Variants in GAN observed in about 807,000 individuals in gnomAD.
The protein encoded by GAN is epididymis secretory sperm binding protein.
A neutral mutation model predicts 71.3 loss-of-function variants in GAN; 48 were observed. The observed-to-expected ratio is 0.67, with a 90% CI of 0.53 to 0.86. GAN has a LOEUF of 0.86. GAN is among the 40% of genes least tolerant of loss of function. GAN has a pLI of 0.00. For missense variants in GAN, 928 were observed against 770.1 expected, an observed-to-expected ratio of 1.21 and a Z score of -2.43; for synonymous variants, 386 against 276.8, an observed-to-expected ratio of 1.39 and a Z score of -3.92.
intron 1 of GAN, among the ~76,000 whole-genome samples, chr16:81,342,381 A>C (rs1315575935): frequency 2.6e-5 from 4 of 152,178 alleles, no homozygotes; most frequent in Non-Finnish European, 4.4e-5. Context: ...ACATAATTGG[A>C]AGTAAAGCAC....
Position 81,319,665 on chromosome 16 carries a change from G to C in GAN, c.167+4385G>C, listed in dbSNP as rs1056437248. Among the ~76,000 whole-genome samples the C allele has an allele frequency of 2.6e-5, 4 of 152,166 alleles. No individual in the cohort carries two copies. The East Asian group carries it at 5.8e-4, about 22-fold the overall frequency. ...AAAAAAAAGATTCCTAAGATTTTTA[G>C]ATCCTTTGATGAGTCAGCTAAGAAT... On this transcript the variant is annotated intron_variant, in intron 1 of 10. Transcript: ENST00000648994.
chr16:81,317,289 A>G (rs1280008693), intron 1 of GAN, among the ~76,000 whole-genome samples: 2 of 152,210 alleles, frequency 1.3e-5, no homozygotes, highest in African/African-American at 4.8e-5. Flanking sequence ...GCACCATCAC[A>G]TTTTCATAGT....
At chr16:81,363,076 T>A (rs1479728535) in intron 6 of GAN, among the ~76,000 whole-genome samples, 1 of 152,164 alleles carries the variant, frequency 6.6e-6, no homozygotes, top group Non-Finnish European at 1.5e-5. Context: ...GCACGTAGGG[T>A]TTACTACATA....
chr16:81,315,359 C>T (rs1375763384), intron 1 of GAN, 79 bp downstream of exon 1: 14 of 1,070,846 alleles, frequency 1.3e-5, no homozygotes, highest in East Asian at 6.9e-5. Flanking sequence ...GGGCGTGGCC[C>T]CCAGACCCTG....
At chr16:81,361,550 C>T (rs1910672816) in intron 5 of GAN, among the ~76,000 whole-genome samples, 1 of 152,174 alleles carries the variant, frequency 6.6e-6, no homozygotes, top group South Asian at 2.1e-4. Flanking sequence ...TCTTTTTCAT[C>T]CCCAGGACAA....
intron 1 of GAN, among the ~76,000 whole-genome samples, chr16:81,342,580 C>G (rs1267167353): frequency 6.6e-6 from 1 of 152,082 alleles, no homozygotes; most frequent in African/African-American, 2.4e-5. Context: ...TCTTTGAAAC[C>G]AATGAGAACA....
In GAN at chr16:81,351,699, TATG is replaced by T. The variant is rs563977770; in HGVS notation, c.282+7_282+9del. 258 of 1,336,738 alleles carry T rather than the reference TATG, an allele frequency of 1.9e-4. 6 individuals carry two copies. The South Asian group carries it at 3.0e-3, about 15-fold the overall frequency. The allele number at this position is 1,336,738 out of a possible 1,614,324, so 82.8% of individuals were successfully genotyped here. ...CTGGATTACATCTTCAGTGGGCAGG[TATG>T]ATGAGAAACAAAGGAAGGAAGACCT... On this transcript the variant is annotated splice_donor_5th_base_variant and intron_variant, in intron 2 of 10. Transcript: ENST00000648994.
At chr16:81,363,221 C>T (rs1358383155) in intron 6 of GAN, among the ~76,000 whole-genome samples, 1 of 152,216 alleles carries the variant, frequency 6.6e-6, no homozygotes, top group African/African-American at 2.4e-5. Flanking sequence ...GAAAACACTG[C>T]CCTTTGTTAT....
rs1904460269 is a variant in GAN at position 81,388,202 on chromosome 16, C to G, written c.*10606C>G. On this transcript the variant is annotated 3_prime_UTR_variant, in exon 11 of 11. Transcript: ENST00000648994. ...CACCCTGCCCTCTGCTCCTCTGTCC[C>G]AACCCTCTTCCAGCCTGGTTTTTTT... is the stretch of plus-strand genomic sequence containing the variant. 1 of 152,246 alleles carries G rather than the reference C, an allele frequency of 6.6e-6. No individual in the cohort carries two copies. The allele number at this position is 152,246 out of a possible 1,614,324, so 9.4% of individuals were successfully genotyped here. A position where few individuals can be genotyped will look rare whatever the true frequency, so the allele number is the denominator to read the frequency against.
rs1056537966 is a variant in GAN, at chr16:81,385,808, G to C, written c.*8212G>C. Reference sequence around the variant, plus strand: ...TTTTTTTGAGATGGAGTCTCGCTCCGTCACCCAGGCTGGAGTGCAGTGGCG... The same window carrying C: ...TTTTTTTGAGATGGAGTCTCGCTCCCTCACCCAGGCTGGAGTGCAGTGGCG... On this transcript the variant is annotated 3_prime_UTR_variant, in exon 11 of 11. Coordinates refer to ENST00000648994, the MANE Select transcript of GAN (RefSeq NM_022041.4). 2.2e-5 allele frequency: 3 copies of C among 133,978 alleles called. No homozygotes were observed. Among genetic ancestry groups the C allele is most frequent in the African/African-American group, 8.5e-5 (3 of 35,390 alleles). 8.3% of individuals were successfully genotyped at this position (133,978 alleles called of 1,614,324 possible).
In GAN at chr16:81,358,042, A is replaced by G. The variant is rs1910550397; in HGVS notation, c.973+111A>G. 3.8e-5 allele frequency: 36 copies of G among 959,712 alleles called. No individual in the cohort carries two copies. The South Asian group carries it at 4.7e-4, about 13-fold the overall frequency. 59.4% of individuals were successfully genotyped at this position (959,712 alleles called of 1,614,324 possible). A position where few individuals can be genotyped will look rare whatever the true frequency, so the allele number is the denominator to read the frequency against. Reference sequence around the variant, plus strand: ...AAAGATACAATTTTATTATCTCTACATGACATTTTTAGTGTAGTTCTAGCT... The same window carrying G: ...AAAGATACAATTTTATTATCTCTACGTGACATTTTTAGTGTAGTTCTAGCT... On this transcript the variant is annotated intron_variant, in intron 5 of 10. Coordinates refer to ENST00000648994, the MANE Select transcript of GAN (RefSeq NM_022041.4).
At chr16:81,337,193 T>G (rs913056801) in intron 1 of GAN, among the ~76,000 whole-genome samples, 2 of 152,138 alleles carry the variant, frequency 1.3e-5, no homozygotes, top group African/African-American at 4.8e-5. Flanking sequence ...TAGTTTGGCA[T>G]AAGCAGGTAA....
chr16:81,378,442 A>AT lies in GAN; in HGVS notation c.*850dup, dbSNP rs1597414748. On this transcript the variant is annotated 3_prime_UTR_variant, in exon 11 of 11. Coordinates refer to ENST00000648994, the MANE Select transcript of GAN (RefSeq NM_022041.4). ...GTATGAGGATATTAGTGAGTAGGAG[A>AT]TTTTATAAAAGAAAGACCTGAGTCA... The AT allele has an allele frequency of 2.0e-5, 3 of 152,306 alleles. No homozygotes were observed. The East Asian group carries it at 5.8e-4, about 29-fold the overall frequency. The allele number at this position is 152,306 out of a possible 1,614,324, so 9.4% of individuals were successfully genotyped here.
chr16:81,315,852 T>C (rs1490022638), intron 1 of GAN, among the ~76,000 whole-genome samples: 2 of 152,260 alleles, frequency 1.3e-5, no homozygotes, highest in Non-Finnish European at 2.9e-5. Flanking sequence ...GAAAACCCTC[T>C]CGATGTTCTC....
At position 81,354,729 on chromosome 16, in the gene GAN, A is replaced by G; in HGVS notation, c.607A>G (p.Ile203Val). The change falls in exon 3 of 11, where the codon ATA becomes GTA. Residue 203 changes from isoleucine (I) to valine (V), a missense_variant. Coordinates refer to ENST00000648994, the MANE Select transcript of GAN (RefSeq NM_022041.4). ...RYVFEAVIRW[I>V]AHDTEIRKVH... ...TGTCTTTGAAGCAGTAATTCGATGGATAGCACATGATACAGAAATAAGAAA... is the reference window on the plus strand; with the variant it reads ...TGTCTTTGAAGCAGTAATTCGATGGGTAGCACATGATACAGAAATAAGAAA... 1 of 1,596,320 alleles carries G rather than the reference A, an allele frequency of 6.3e-7. No homozygotes were observed. The highest frequency in any genetic ancestry group is 8.6e-7 in the Non-Finnish European group (1 of 1,163,654).
intron 9 of GAN, 21 bp downstream of exon 9, chr16:81,365,499 A>G (rs931636191): frequency 1.9e-6 from 3 of 1,610,202 alleles, no homozygotes; most frequent in East Asian, 2.2e-5. Context: ...ATGGTTTCAC[A>G]TAGCTACTGC....
chr16:81,376,489 GTGTGTGTGTGTGTGTGTGTGTA>G (rs1277659860), intron 9 of GAN, among the ~76,000 whole-genome samples: 74 of 148,316 alleles, frequency 5.0e-4, no homozygotes, highest in African/African-American at 1.7e-3. Flanking sequence ...GTGTGTGTGT[GTGTGTGTGTGTGTGTGTGTGTA>G]TGTGTGTGTG....
chr16:81,368,264 T>G lies in GAN; in HGVS notation c.1502+2786T>G, dbSNP rs140602731. Among the ~76,000 whole-genome samples, 298 of 152,344 alleles carry G rather than the reference T, an allele frequency of 2.0e-3. 1 individual carries two copies. Among genetic ancestry groups the G allele is most frequent in the African/African-American group, 6.7e-3 (280 of 41,582 alleles). ...ATTTCTGTTCCTTGTGTCCATATTC[T>G]GTTAGTAACACTACTATCCTCCCAG... On this transcript the variant is annotated intron_variant, in intron 9 of 10. Transcript: ENST00000648994.
chr16:81,364,946 C>G, intron 7 of GAN, 28 bp from the exon 8 acceptor site: 3 of 1,612,238 alleles, frequency 1.9e-6, no homozygotes, highest in Non-Finnish European at 2.5e-6. Flanking sequence ...AATGTTGCCT[C>G]TCCCCCACCA....
Sources: gnomAD v4.1 joint callset for allele counts (sites outside exome capture counted in the v4.1 genomes callset) on GRCh38, gnomAD v4.1.1 for gene constraint, MANE v1.5 for transcripts, NCBI Gene and HGNC (gene_info 2026-07-23, HGNC 2026-07-21) for gene names.